ARHGAP10: variants seen among roughly 807,000 people sequenced by gnomAD.
ARHGAP10 encodes Rho GTPase activating protein 10.
In ARHGAP10, 87 loss-of-function variants were observed where a neutral mutation model predicts 108.6. That is an observed-to-expected ratio of 0.80 (90% CI 0.67 to 0.96). The LOEUF (loss-of-function observed/expected upper bound fraction) is 0.96, where lower values mean the gene tolerates loss of function less well. Among genes scored for constraint, ARHGAP10 ranks in the 40% least tolerant of loss-of-function variants. The probability of loss-of-function intolerance (pLI) is 0.00; values close to 1 mark genes in which losing one functional copy is unlikely to be tolerated. For missense variants in ARHGAP10, 939 were observed against 954.5 expected, an observed-to-expected ratio of 0.98 and a Z score of 0.21; for synonymous variants, 347 against 341.1, an observed-to-expected ratio of 1.02 and a Z score of -0.19.
intron 19 of ARHGAP10, among the ~76,000 whole-genome samples, chr4:148,036,856 G>A (rs1215308332): frequency 6.6e-6 from 1 of 152,140 alleles, no homozygotes; most frequent in African/African-American, 2.4e-5. Context: ...TCCATGTATA[G>A]ATTACAACTT....
chr4:147,809,173 C>G (rs998778143), intron 1 of ARHGAP10: 2 of 152,308 alleles, frequency 1.3e-5, no homozygotes, highest in African/African-American at 4.8e-5. Context: ...ATAGCCACAG[C>G]ACTCCAGCCT....
Position 148,023,337 on chromosome 4 carries a change from A to T in ARHGAP10, c.1791A>T (p.Pro597=). 3 of 1,614,240 alleles carry T rather than the reference A, an allele frequency of 1.9e-6. No homozygotes were observed. The highest frequency in any genetic ancestry group is 2.5e-6 in the Non-Finnish European group (3 of 1,180,030). ...CAGCATCACCCCCAAATGCGCCACC[A>T]AGGCAGTCGAAGAGACAAGGCCAGA... ...CLSASPPNAP[P]RQSKRQGQRT... The change falls in exon 19 of 23, where the codon CCA becomes CCT. Residue 597 remains proline (P), a synonymous_variant. Coordinates refer to ENST00000336498, the MANE Select transcript of ARHGAP10 (RefSeq NM_024605.4).
chr4:148,032,797 C>A (rs1256538545), intron 19 of ARHGAP10, among the ~76,000 whole-genome samples: 1 of 151,948 alleles, frequency 6.6e-6, no homozygotes, highest in Non-Finnish European at 1.5e-5. Flanking sequence ...CGAAAGCCCA[C>A]TGGTGTAAGT....
At position 147,987,021 on chromosome 4, in the gene ARHGAP10, G is replaced by A. The variant is rs897331311; in HGVS notation, c.1716+20182G>A. ...CTGATCCTCAGAAACAGCAGATAAC[G>A]GGATTATTGCGGATTGAACTGAATC... On this transcript the variant is annotated intron_variant, in intron 18 of 22. Transcript: ENST00000336498. Among the ~76,000 whole-genome samples the A allele has an allele frequency of 5.9e-5, 9 of 152,240 alleles. No individual in the cohort carries two copies. In the East Asian group the frequency reaches 1.7e-3, roughly 29 times the overall value.
At chr4:147,734,351 A>G (rs758630443) in intron 1 of ARHGAP10, among the ~76,000 whole-genome samples, 6 of 152,108 alleles carry the variant, frequency 3.9e-5, no homozygotes, top group Non-Finnish European at 8.8e-5. Context: ...CAGACTGTAG[A>G]CTTTCTTGAA....
intron 13 of ARHGAP10, among the ~76,000 whole-genome samples, chr4:147,924,079 G>A (rs1258629804): frequency 1.3e-5 from 2 of 152,198 alleles, no homozygotes; most frequent in Admixed American, 6.5e-5. Flanking sequence ...TGTGGTGTCT[G>A]CAGAAATGCA....
intron 3 of ARHGAP10, among the ~76,000 whole-genome samples, chr4:147,827,919 C>A (rs1177750940): frequency 3.3e-5 from 5 of 152,120 alleles, no homozygotes; most frequent in Non-Finnish European, 7.4e-5. Context: ...GATTTTCCTG[C>A]CTCAGCCTCC....
intron 18 of ARHGAP10, among the ~76,000 whole-genome samples, chr4:147,976,391 T>G (rs749445252): frequency 1.4e-4 from 21 of 152,238 alleles, no homozygotes; most frequent in Non-Finnish European, 2.5e-4. Flanking sequence ...CTAAAAGCTT[T>G]GTGTCTGCCT....
chr4:147,774,161 C>A lies in ARHGAP10; in HGVS notation c.154+41706C>A, dbSNP rs76907971. Reference sequence around the variant, plus strand: ...GGATAGTGCCTGGCACATAGTTAGCCCTGTATAAAAATGTTGACTCTTATT... The same window carrying A: ...GGATAGTGCCTGGCACATAGTTAGCACTGTATAAAAATGTTGACTCTTATT... On this transcript the variant is annotated intron_variant, in intron 1 of 22. Transcript: ENST00000336498. Among the ~76,000 whole-genome samples, 128 of 152,244 alleles carry A rather than the reference C, an allele frequency of 8.4e-4. 1 individual carries two copies. In the East Asian group the frequency reaches 0.022, roughly 26 times the overall value.
At chr4:147,913,318 T>C (rs1560823470) in intron 13 of ARHGAP10, among the ~76,000 whole-genome samples, 179 bp downstream of exon 13, 1 of 152,264 alleles carries the variant, frequency 6.6e-6, no homozygotes, top group Non-Finnish European at 1.5e-5. Flanking sequence ...TTTTCCTTTT[T>C]ATTTACATAT....
At chr4:147,953,601 G>C (rs1009597814) in intron 15 of ARHGAP10, among the ~76,000 whole-genome samples, 6 of 145,844 alleles carry the variant, frequency 4.1e-5, no homozygotes, top group Admixed American at 1.4e-4. Context: ...CACTGATTCT[G>C]CAGTCACCTT....
Position 148,057,970 on chromosome 4 carries a change from A to G in ARHGAP10, c.2028-5178A>G, listed in dbSNP as rs570531639. ...AACGCCGTGGGTTATGGCGACTTGC[A>G]TGTCACAGGCCTTTGTTTCTCTGCA... On this transcript the variant is annotated intron_variant, in intron 20 of 22. Transcript: ENST00000336498. Among the ~76,000 whole-genome samples the G allele has an allele frequency of 6.6e-4, 100 of 152,306 alleles. 2 individuals carry two copies. The highest frequency in any genetic ancestry group is 3.4e-3 in the Middle Eastern group (1 of 294).
intron 18 of ARHGAP10, among the ~76,000 whole-genome samples, chr4:147,970,478 G>A (rs1246086555): frequency 6.6e-6 from 1 of 152,092 alleles, no homozygotes; most frequent in Non-Finnish European, 1.5e-5. Flanking sequence ...AAAGGAAGAG[G>A]CCTATGTGTG....
intron 18 of ARHGAP10, among the ~76,000 whole-genome samples, chr4:147,999,246 T>A (rs1740598409): frequency 6.6e-6 from 1 of 152,162 alleles, no homozygotes. Flanking sequence ...AAATAGCCAA[T>A]CATCTATCAC....
chr4:147,777,909 T>C (rs1730362320), intron 1 of ARHGAP10, among the ~76,000 whole-genome samples: 1 of 152,222 alleles, frequency 6.6e-6, no homozygotes, highest in Admixed American at 6.5e-5. Context: ...GAGATAAAAC[T>C]TGAGGAATTG....
chr4:147,917,939 T>G (rs1191907266), intron 13 of ARHGAP10, among the ~76,000 whole-genome samples: 1 of 152,202 alleles, frequency 6.6e-6, no homozygotes, highest in Non-Finnish European at 1.5e-5. Context: ...ATCATAAAAC[T>G]GTTCACCTGC....
intron 1 of ARHGAP10, among the ~76,000 whole-genome samples, chr4:147,770,455 G>A (rs1730030917): frequency 6.6e-6 from 1 of 152,168 alleles, no homozygotes; most frequent in Admixed American, 6.5e-5. Flanking sequence ...AACCCGGGAG[G>A]CGGAGATTGC....
intron 18 of ARHGAP10, among the ~76,000 whole-genome samples, chr4:148,001,395 G>A (rs183269794): frequency 0.018 from 2,809 of 152,206 alleles, 95 homozygotes; most frequent in African/African-American, 0.064. Flanking sequence ...TTGGCAATGC[G>A]GGCCCTTTTT....
intron 18 of ARHGAP10, among the ~76,000 whole-genome samples, chr4:147,998,719 GA>G (rs1419639085): frequency 6.6e-6 from 1 of 152,244 alleles, no homozygotes; most frequent in Non-Finnish European, 1.5e-5. Flanking sequence ...AGTGAAAAGA[GA>G]AAGTCAGCAG....
Sources: gnomAD v4.1 joint callset for allele counts (sites outside exome capture counted in the v4.1 genomes callset) on GRCh38, gnomAD v4.1.1 for gene constraint, MANE v1.5 for transcripts, NCBI Gene and HGNC (gene_info 2026-07-23, HGNC 2026-07-21) for gene names.